Variants in LEKR1 observed in about 807,000 individuals in gnomAD.
The protein encoded by LEKR1 is leucine, glutamate and lysine rich 1.
A neutral mutation model predicts 72.4 loss-of-function variants in LEKR1; 59 were observed. The observed-to-expected ratio is 0.82, with a 90% confidence interval of 0.66 to 1.01. The LOEUF (loss-of-function observed/expected upper bound fraction) is 1.01, where lower values mean the gene tolerates loss of function less well. Among genes scored for constraint, LEKR1 ranks in the 50% least tolerant of loss-of-function variants. The pLI is 0.00. For synonymous variants in LEKR1, 257 were observed against 263.2 expected, an observed-to-expected ratio of 0.98 and a Z score of 0.23; for missense variants, 728 against 759.2, an observed-to-expected ratio of 0.96 and a Z score of 0.48.
At chr3:156,988,951 C>T (rs1029460650) in intron 7 of LEKR1, among the ~76,000 whole-genome samples, 3 of 152,074 alleles carry the variant, frequency 2.0e-5, no homozygotes, top group Admixed American at 2.0e-4. Flanking sequence ...CCTGCCTCAG[C>T]CTCCCGAGTA....
At chr3:156,909,087 C>T (rs1162363324) in intron 3 of LEKR1, among the ~76,000 whole-genome samples, 4 of 152,148 alleles carry the variant, frequency 2.6e-5, no homozygotes, top group Non-Finnish European at 4.4e-5. Flanking sequence ...TCACATGGTT[C>T]TCATTCTCTC....
intron 9 of LEKR1, among the ~76,000 whole-genome samples, chr3:157,006,721 T>C (rs943889066): frequency 6.6e-5 from 10 of 152,132 alleles, no homozygotes; most frequent in Non-Finnish European, 1.0e-4. Flanking sequence ...GAATCTAAAA[T>C]AATTATGCTG....
chr3:156,992,244 G>A (rs1375948635), intron 7 of LEKR1, among the ~76,000 whole-genome samples: 1 of 152,180 alleles, frequency 6.6e-6, no homozygotes, highest in Admixed American at 6.5e-5. Flanking sequence ...TTCTCTAAGA[G>A]TTTTAGTTCC....
At chr3:156,859,260 TTCTG>T (rs1291658828) in intron 3 of LEKR1, among the ~76,000 whole-genome samples, 1 of 152,186 alleles carries the variant, frequency 6.6e-6, no homozygotes, top group Admixed American at 6.5e-5. Context: ...ATTTATCAGT[TTCTG>T]TCTATGTCAA....
intron 3 of LEKR1, among the ~76,000 whole-genome samples, chr3:156,887,999 CA>C (rs1720279271): frequency 6.6e-6 from 1 of 152,042 alleles, no homozygotes; most frequent in South Asian, 2.1e-4. Context: ...TAGATAAAAT[CA>C]TTATAGAGGT....
intron 3 of LEKR1, among the ~76,000 whole-genome samples, chr3:156,872,455 A>G (rs111817858): frequency 0.014 from 2,098 of 151,722 alleles, 24 homozygotes; most frequent in Non-Finnish European, 0.021. Context: ...TTCTGCTCCA[A>G]TCTTTACTAT....
At chr3:156,952,885 A>G (rs1727291359) in intron 6 of LEKR1, among the ~76,000 whole-genome samples, 1 of 151,536 alleles carries the variant, frequency 6.6e-6, no homozygotes, top group Admixed American at 6.6e-5. Flanking sequence ...AGAGAGAGAG[A>G]AAGAGAGAGA....
intron 10 of LEKR1, among the ~76,000 whole-genome samples, chr3:157,014,370 G>A (rs1399368156): frequency 6.6e-6 from 1 of 151,996 alleles, no homozygotes; most frequent in Non-Finnish European, 1.5e-5. Flanking sequence ...CTTGGCTGAA[G>A]CAACTAGATT....
At chr3:156,874,085 G>T (rs1040327352) in intron 3 of LEKR1, among the ~76,000 whole-genome samples, 1 of 151,996 alleles carries the variant, frequency 6.6e-6, no homozygotes, top group Non-Finnish European at 1.5e-5. Context: ...TGTTAAATAG[G>T]TTTTCTAATC....
At chr3:156,980,498 C>A (rs62275836) in intron 7 of LEKR1, among the ~76,000 whole-genome samples, 9,077 of 151,972 alleles carry the variant, frequency 0.06, 373 homozygotes, top group Non-Finnish European at 0.09. Flanking sequence ...TAGAAGACCC[C>A]CTAGGCCCAG....
chr3:156,899,347 T>C (rs543545997), intron 3 of LEKR1, among the ~76,000 whole-genome samples: 11 of 121,002 alleles, frequency 9.1e-5, no homozygotes, highest in South Asian at 6.9e-4. Context: ...TATACACATA[T>C]ATACATGTAT....
At chr3:156,848,035 CTT>C (rs1382049766) in intron 2 of LEKR1, among the ~76,000 whole-genome samples, 1 of 152,206 alleles carries the variant, frequency 6.6e-6, no homozygotes, top group African/African-American at 2.4e-5. Flanking sequence ...AGATAGGACA[CTT>C]TGCCAGGAGC....
At chr3:156,919,645 A>G (rs186208273) in intron 3 of LEKR1, among the ~76,000 whole-genome samples, 3 of 152,336 alleles carry the variant, frequency 2.0e-5, no homozygotes, top group Admixed American at 1.3e-4. Flanking sequence ...CTGTACATTT[A>G]TATTAGAAAT....
chr3:156,842,361 T>C (rs1047214233), intron 2 of LEKR1, among the ~76,000 whole-genome samples: 5 of 151,938 alleles, frequency 3.3e-5, no homozygotes, highest in Non-Finnish European at 7.4e-5. Flanking sequence ...TTTTTTTTTC[T>C]TTCTTGTTCT....
intron 6 of LEKR1, among the ~76,000 whole-genome samples, chr3:156,966,655 C>T (rs1308505407): frequency 4.6e-5 from 7 of 152,156 alleles, no homozygotes; most frequent in South Asian, 2.1e-4. Context: ...TGAAGCCCAC[C>T]GCAGCTCAAG....
At chr3:156,977,176 G>C (rs879844807) in intron 6 of LEKR1, among the ~76,000 whole-genome samples, 3 of 152,138 alleles carry the variant, frequency 2.0e-5, no homozygotes, top group Non-Finnish European at 2.9e-5. Context: ...CCATGCCACC[G>C]GTGATGGCAG....
intron 9 of LEKR1, among the ~76,000 whole-genome samples, chr3:157,003,024 A>G (rs1732131842): frequency 6.6e-6 from 1 of 152,218 alleles, no homozygotes; most frequent in Non-Finnish European, 1.5e-5. Flanking sequence ...AATATTCAGT[A>G]CCATCTACTT....
intron 9 of LEKR1, among the ~76,000 whole-genome samples, chr3:157,008,876 C>T (rs1205543756): frequency 6.6e-6 from 1 of 152,084 alleles, no homozygotes; most frequent in Non-Finnish European, 1.5e-5. Context: ...TTCATTTCTT[C>T]ATCTATATTG....
At chr3:156,884,683 T>C (rs1000223406) in intron 3 of LEKR1, among the ~76,000 whole-genome samples, 3 of 152,226 alleles carry the variant, frequency 2.0e-5, no homozygotes, top group African/African-American at 7.2e-5. Flanking sequence ...ATAGGTTATC[T>C]GATGCTTTTG....
Sources: allele counts gnomAD v4.1 joint callset (sites outside exome capture counted in the v4.1 genomes callset), GRCh38; gene constraint gnomAD v4.1.1; transcripts MANE v1.5; gene names NCBI Gene and HGNC (gene_info 2026-07-23, HGNC 2026-07-21).